Variants in FCHO1 observed in about 807,000 individuals in gnomAD.
The protein encoded by FCHO1 is F-BAR domain only protein 1.
In FCHO1, 45 loss-of-function variants were observed where a neutral mutation model predicts 114.4. That is an observed-to-expected ratio of 0.39 (90% confidence interval 0.31 to 0.50). The LOEUF (loss-of-function observed/expected upper bound fraction) is 0.50. FCHO1 is among the 20% of genes least tolerant of loss of function. The probability of loss-of-function intolerance (pLI) is 0.77; values close to 1 mark genes in which losing one functional copy is unlikely to be tolerated. For synonymous variants in FCHO1, 480 were observed against 488.9 expected (o/e 0.98, Z 0.24); for missense variants, 1,042 against 1,209.6 (o/e 0.86, Z 2.06).
At position 17,776,666 on chromosome 19, in the gene FCHO1, G is replaced by T; in HGVS notation, c.1239G>T (p.Arg413=). The T allele has an allele frequency of 6.2e-7, 1 of 1,613,792 alleles. No homozygotes were observed. The highest frequency in any genetic ancestry group is 8.5e-7 in the Non-Finnish European group (1 of 1,179,938). ...CTGCTGGGAAACCCCAGAGACCTCG[G>T]TCTGCCCCCAGAACCAGCAGGTGGG... ...RDAAGKPQRP[R]SAPRTSSCAE... Residue 413 remains arginine, a synonymous_variant, in exon 18 of 29, where the codon CGG becomes CGT. Coordinates refer to ENST00000596536, the MANE Select transcript of FCHO1 (RefSeq NM_015122.3). This position sits in a 1 kb window ranked among gnomAD's most constrained non-coding sequence, Gnocchi z 4.4.
rs747077046 is a variant in FCHO1, at chr19:17,775,057, G to A, written c.922G>A (p.Asp308Asn). The A allele has an allele frequency of 6.2e-7, 1 of 1,613,594 alleles. No homozygotes were observed. Among genetic ancestry groups the A allele is most frequent in the Non-Finnish European group, 8.5e-7 (1 of 1,179,798 alleles). Reference protein sequence around the residue: ...EREPEPPAAVDFLEPDSGTCP... With the variant: ...EREPEPPAAVNFLEPDSGTCP... ...CAACATCTCTTCCTCCATCCCCAGA[G>A]ATTTCCTGGAGCCCGATTCAGGGGT... The change falls in exon 14 of 29, where the codon GAT becomes AAT. Residue 308 changes from aspartate to asparagine, a missense_variant and splice_region_variant. By Grantham distance (23) the Asp-to-Asn change is conservative. Transcript: ENST00000596536. This position sits in a 1 kb window ranked among gnomAD's most constrained non-coding sequence, Gnocchi z 5.1.
Position 17,762,867 on chromosome 19 carries a change from G to C in FCHO1, c.119+14G>C, listed in dbSNP as rs886855848. 9 of 1,588,586 alleles carry C rather than the reference G, an allele frequency of 5.7e-6. No individual in the cohort carries two copies. The African/African-American group carries it at 1.2e-4, about 21-fold the overall frequency. ...CATCCGGGAGAGGTGAGGTCCCCAA[G>C]CCCCATCCACCAGAGGCCACGCCCA... On this transcript the variant is annotated intron_variant, in intron 5 of 28. Transcript: ENST00000596536.
chr19:17,779,802 C>G (rs2147254321), intron 20 of FCHO1, among the ~76,000 whole-genome samples: 2 of 151,616 alleles, frequency 1.3e-5, no homozygotes, highest in South Asian at 4.2e-4. Context: ...GTGTCAGGTG[C>G]ACAGTGGACC....
chr19:17,786,541 G>T, intron 26 of FCHO1, 33 bp from the exon 27 acceptor site: 1 of 1,610,460 alleles, frequency 6.2e-7, no homozygotes, highest in East Asian at 2.2e-5. Context: ...ATCCTCTCTG[G>T]GGAAGCCCTG....
rs1012133083 is a variant in FCHO1, at chr19:17,781,217, G to T, written c.1628-14G>T. The stretch of plus-strand genomic sequence containing the variant: ...GGCAGCATCTCAGCAGTGCCTCTTT[G>T]TACTCGCTCCTAGACCTGATGCCTG... On this transcript the variant is annotated splice_polypyrimidine_tract_variant and intron_variant, in intron 20 of 28. Coordinates refer to ENST00000596536, the MANE Select transcript of FCHO1 (RefSeq NM_015122.3). The T allele has an allele frequency of 6.3e-6, 10 of 1,594,686 alleles. 1 individual carries two copies. The Admixed American group carries it at 1.2e-4, about 19-fold the overall frequency.
intron 7 of FCHO1, 61 bp from the exon 8 acceptor site, chr19:17,770,364 G>A: frequency 6.7e-7 from 1 of 1,493,856 alleles, no homozygotes; most frequent in Non-Finnish European, 9.1e-7. Flanking sequence ...GACATCACGT[G>A]GAGTGTTTGG....
chr19:17,772,175 TGTGTG>T (rs2091773444), intron 9 of FCHO1, among the ~76,000 whole-genome samples: 1 of 53,224 alleles, frequency 1.9e-5, no homozygotes, highest in Non-Finnish European at 4.0e-5. Flanking sequence ...GACATCCCCT[TGTGTG>T]TGTGTGTGTG....
Position 17,778,798 on chromosome 19 carries a change from GTA to G in FCHO1, c.1543_1544del (p.Ile515ProfsTer35). Reference sequence around the variant, plus strand: ...AGGGCGCCACCCCCAGAGGCCAGGGGTATCCGGGCACCGCCTCTGCCAGACTC... The same window carrying G: ...AGGGCGCCACCCCCAGAGGCCAGGGGTCCGGGCACCGCCTCTGCCAGACTC... On this transcript the variant is annotated frameshift_variant, in exon 20 of 29. Transcript: ENST00000596536. LOFTEE classifies it high-confidence loss of function. The G allele has an allele frequency of 6.5e-7, 1 of 1,542,138 alleles. No individual in the cohort carries two copies. The highest frequency in any genetic ancestry group is 8.7e-7 in the Non-Finnish European group (1 of 1,150,098).
chr19:17,752,109 C>T (rs1013851281), intron 1 of FCHO1, among the ~76,000 whole-genome samples: 10 of 152,124 alleles, frequency 6.6e-5, no homozygotes, highest in Admixed American at 2.0e-4. Context: ...ACTTGGGCTC[C>T]TTGGTTCCTG....
upstream of FCHO1, among the ~76,000 whole-genome samples, chr19:17,751,311 AG>A (rs1306934540): frequency 3.3e-5 from 5 of 152,128 alleles, no homozygotes; most frequent in Non-Finnish European, 1.5e-5. This position sits in a 1 kb window ranked among gnomAD's most constrained non-coding sequence, Gnocchi z 4.4. Flanking sequence ...GAACAGCTCC[AG>A]GTTCAGGCCG....
chr19:17,781,612 C>G (rs1464290443), intron 22 of FCHO1, 73 bp downstream of exon 22: 1 of 1,575,118 alleles, frequency 6.3e-7, no homozygotes, highest in African/African-American at 1.3e-5. Flanking sequence ...GGTGGCTTCT[C>G]TGTTGGCAGA....
At position 17,761,755 on chromosome 19, in the gene FCHO1, C is replaced by A. The variant is rs557416514; in HGVS notation, c.28-1007C>A. Among the ~76,000 whole-genome samples, 6 of 150,488 alleles carry A rather than the reference C, an allele frequency of 4.0e-5. No individual in the cohort carries two copies. The East Asian group carries it at 1.2e-3, about 30-fold the overall frequency. ...GGCTCACTGCAACCTCTGCCTCCCA[C>A]GTTCAAGCAATTCTCCTGCCTCGGC... On this transcript the variant is annotated intron_variant, in intron 4 of 28. Transcript: ENST00000596536.
At chr19:17,750,387 G>T (rs150982660), upstream of FCHO1, among the ~76,000 whole-genome samples, 10 of 152,238 alleles carry the variant, frequency 6.6e-5, no homozygotes, top group Middle Eastern at 3.4e-3. Context: ...GAACTCTTGG[G>T]TTGAAGGAAA....
chr19:17,760,099 T>C (rs946672802), intron 4 of FCHO1, among the ~76,000 whole-genome samples: 1 of 151,644 alleles, frequency 6.6e-6, no homozygotes, highest in African/African-American at 2.4e-5. Context: ...TCACCCAGGC[T>C]GGAGTGCAAT....
Position 17,781,795 on chromosome 19 carries a change from G to T in FCHO1, c.1912G>T (p.Ala638Ser), listed in dbSNP as rs746424375. 2.5e-6 allele frequency: 4 copies of T among 1,606,570 alleles called. No homozygotes were observed. Among genetic ancestry groups the T allele is most frequent in the Non-Finnish European group, 3.4e-6 (4 of 1,176,632 alleles). ...IATAFTEYVHAYFRGHSPSCL... is the reference protein window; with the variant it reads ...IATAFTEYVHSYFRGHSPSCL... ...CACAGCCTTCACAGAGTATGTCCAC[G>T]CCTACTTCCGTGGCCACAGCCCCAG... The change falls in exon 23 of 29, where the codon GCC (alanine) becomes TCC (serine). Residue 638 changes from alanine to serine, a missense_variant. Coordinates refer to ENST00000596536, the MANE Select transcript of FCHO1 (RefSeq NM_015122.3).
At chr19:17,764,473 C>T in intron 6 of FCHO1, 24 bp downstream of exon 6, 1 of 1,581,754 alleles carries the variant, frequency 6.3e-7, no homozygotes, top group Middle Eastern at 1.7e-4. Context: ...GGGTCACCAA[C>T]ATGGGGACAT....
intron 4 of FCHO1, 33 bp from the exon 5 acceptor site, chr19:17,762,729 T>C: frequency 6.7e-7 from 1 of 1,497,786 alleles, no homozygotes; most frequent in Non-Finnish European, 9.3e-7. Flanking sequence ...GTTCTCTCCA[T>C]CCTTTCTCAA....
intron 13 of FCHO1, 89 bp from the exon 14 acceptor site, chr19:17,774,967 C>G (rs1201338257): frequency 4.1e-5 from 60 of 1,455,358 alleles, no homozygotes; most frequent in Non-Finnish European, 5.8e-5. Flanking sequence ...TGGGAGCTGC[C>G]CCAGCTTCCA....
rs181173877 is a variant in FCHO1 at position 17,762,764 on chromosome 19, C to T, written c.30C>T (p.Gly10=). 42 of 1,611,692 alleles carry T rather than the reference C, an allele frequency of 2.6e-5. No homozygotes were observed. The African/African-American group carries it at 4.3e-4, about 16-fold the overall frequency. MSYFGEHFW[G]EKNHGFEVLY... ...ATCTCTATTCCCATCCCCTGCAGGG[C>T]GAGAAAAATCATGGCTTTGAGGTCC... Residue 10 remains glycine (G), a splice_region_variant and synonymous_variant, in exon 5 of 29, where the codon GGC becomes GGT. Coordinates refer to ENST00000596536, the MANE Select transcript of FCHO1 (RefSeq NM_015122.3).
Sources: allele counts gnomAD v4.1 joint callset (sites outside exome capture counted in the v4.1 genomes callset), GRCh38; gene constraint gnomAD v4.1.1; non-coding constraint Gnocchi (gnomAD v3.1); transcripts MANE v1.5; gene names NCBI Gene and HGNC (gene_info 2026-07-23, HGNC 2026-07-21).